SH2D3C: variants seen among roughly 807,000 people sequenced by gnomAD.
SH2D3C encodes SH2 domain containing 3C, also known as SH2 domain-containing protein 3C.
Under a neutral mutation model 75.2 loss-of-function variants are expected in SH2D3C, and 25 were observed. The observed-to-expected ratio is 0.33, with a 90% CI of 0.24 to 0.46. The LOEUF (loss-of-function observed/expected upper bound fraction) is 0.46, where lower values mean the gene tolerates loss of function less well. Ranked by LOEUF, SH2D3C falls within the 20% of genes least tolerant of loss-of-function variation. The pLI, the probability that SH2D3C is intolerant of heterozygous loss-of-function variation, is 1.00. For synonymous variants in SH2D3C, 450 were observed against 473.7 expected, an observed-to-expected ratio of 0.95 and a Z score of 0.65; for missense variants, 933 against 1,165.3, an observed-to-expected ratio of 0.80 and a Z score of 2.90.
chr9:127,778,478 A>C lies in SH2D3C; in HGVS notation c.37+113T>G. ...CAAAAGCAAAAAACAAAAAAAGAAA[A>C]AGAGTGAGAGAGAGAAAAACAGAAA... On this transcript the variant is annotated intron_variant, in intron 1 of 11. Transcript: ENST00000314830. 3.2e-6 allele frequency: 3 copies of C among 923,984 alleles called. No homozygotes were observed. In the South Asian group the frequency reaches 4.0e-5, roughly 12 times the overall value. 57.2% of individuals were successfully genotyped at this position (923,984 alleles called of 1,614,324 possible).
chr9:127,760,033 G>T lies in SH2D3C; in HGVS notation c.555+1578C>A, dbSNP rs1394586257. Among the ~76,000 whole-genome samples the T allele has an allele frequency of 2.6e-5, 4 of 151,240 alleles. No individual in the cohort carries two copies. The East Asian group carries it at 5.8e-4, about 22-fold the overall frequency. On this transcript the variant is annotated intron_variant, in intron 3 of 11. Transcript: ENST00000314830. ...TTTAAATTAGCAGTGGCACACACAT[G>T]TAGTCCCAGGGACTTAGGAGGCTAA...
intron 5 of SH2D3C, among the ~76,000 whole-genome samples, chr9:127,748,708 C>A (rs964885120): frequency 2.0e-5 from 3 of 152,218 alleles, no homozygotes; most frequent in African/African-American, 7.2e-5. Flanking sequence ...CATCTGGGGC[C>A]TGATTTTAGC....
Position 127,774,442 on chromosome 9 carries a change from C to T in SH2D3C, c.63G>A (p.Gly21=). Residue 21 remains glycine (G), a synonymous_variant, in exon 2 of 12, where the codon GGG becomes GGA. Coordinates refer to ENST00000314830, the MANE Select transcript of SH2D3C (RefSeq NM_170600.3). The surrounding 1 kb of genome is among the most constrained non-coding windows in gnomAD (Gnocchi z 4.3). ...KFKFFKFKGF[G]SLSNLPRSFT... is the part of the protein sequence containing the mutation. ...AGGACCGAGGGAGGTTGGAGAGACT[C>T]CCAAAGCCCTTGAACTTGAAGAACT... is the stretch of plus-strand genomic sequence containing the variant. The T allele has an allele frequency of 1.3e-6, 2 of 1,593,650 alleles. No homozygotes were observed. Among genetic ancestry groups the T allele is most frequent in the Non-Finnish European group, 1.7e-6 (2 of 1,161,700 alleles).
At chr9:127,763,579 G>A (rs1845577726) in intron 2 of SH2D3C, among the ~76,000 whole-genome samples, 1 of 152,166 alleles carries the variant, frequency 6.6e-6, no homozygotes, top group African/African-American at 2.4e-5. Flanking sequence ...AATTTTAATT[G>A]TTGATCGCTG....
Position 127,742,917 on chromosome 9 carries a change from T to G in SH2D3C, c.1848A>C (p.Gly616=). ...TGAGCAGTTCCATGCCCCAGCGGAC[T>G]CCCATTAGGGTCTGCATCTCCTTGG... ...GVTKEMQTLM[G]VRWGMELLTL... Residue 616 remains glycine (G), a synonymous_variant, in exon 8 of 12, where the codon GGA becomes GGC. Coordinates refer to ENST00000314830, the MANE Select transcript of SH2D3C (RefSeq NM_170600.3). The G allele has an allele frequency of 6.2e-7, 1 of 1,614,016 alleles. No homozygotes were observed. Among genetic ancestry groups the G allele is most frequent in the Non-Finnish European group, 8.5e-7 (1 of 1,179,938 alleles).
chr9:127,749,104 G>T lies in SH2D3C; in HGVS notation c.1139+107C>A. On this transcript the variant is annotated intron_variant, in intron 5 of 11. Coordinates refer to ENST00000314830, the MANE Select transcript of SH2D3C (RefSeq NM_170600.3). The surrounding 1 kb of genome is among the most constrained non-coding windows in gnomAD (Gnocchi z 5.9). ...CTCCCATTCCTCCCTGCACACAGAG[G>T]CTCCAGGAGAGTAATTTCATCCCAT... 1 of 848,050 alleles carries T rather than the reference G, an allele frequency of 1.2e-6. No individual in the cohort carries two copies. Among genetic ancestry groups the T allele is most frequent in the Non-Finnish European group, 1.8e-6 (1 of 542,528 alleles). The allele number at this position is 848,050 out of a possible 1,614,324, so 52.5% of individuals were successfully genotyped here.
Position 127,754,986 on chromosome 9 carries a change from A to T in SH2D3C, c.556-3686T>A. On this transcript the variant is annotated intron_variant, in intron 3 of 11. Coordinates refer to ENST00000314830, the MANE Select transcript of SH2D3C (RefSeq NM_170600.3). This position sits in a 1 kb window ranked among gnomAD's most constrained non-coding sequence, Gnocchi z 4.4. ...AGCCCGACCCTGCCGGGCGCCGCTGAGCTGCAGCTCCCCGGCTGGCTCTAG... is the reference window on the plus strand; with the variant it reads ...AGCCCGACCCTGCCGGGCGCCGCTGTGCTGCAGCTCCCCGGCTGGCTCTAG... The T allele has an allele frequency of 1.8e-6, 1 of 550,700 alleles. No homozygotes were observed. The highest frequency in any genetic ancestry group is 2.6e-6 in the Non-Finnish European group (1 of 380,460). The allele number at this position is 550,700 out of a possible 1,614,324, so 34.1% of individuals were successfully genotyped here.
At chr9:127,771,502 C>T in intron 2 of SH2D3C, 1 of 650,384 alleles carries the variant, frequency 1.5e-6, no homozygotes, top group Non-Finnish European at 2.3e-6. Context: ...TCGGGAAGGC[C>T]TCGCCCCCTA....
At position 127,749,462 on chromosome 9, in the gene SH2D3C, G is replaced by A. The variant is rs750177101; in HGVS notation, c.888C>T (p.Leu296=). Residue 296 remains leucine, a synonymous_variant, in exon 5 of 12, where the codon CTC becomes CTT. Coordinates refer to ENST00000314830, the MANE Select transcript of SH2D3C (RefSeq NM_170600.3). The surrounding 1 kb of genome is among the most constrained non-coding windows in gnomAD (Gnocchi z 5.9). ...TGCGGCTGCCCACATGATAGCGCAC[G>A]AGGGCGGGCACGTGGTCAAAGCTCT... ...EQESFDHVPA[L]VRYHVGSRKA... The A allele has an allele frequency of 3.5e-5, 56 of 1,614,090 alleles. No homozygotes were observed. In the East Asian group the frequency reaches 4.2e-4, roughly 12 times the overall value.
intron 6 of SH2D3C, among the ~76,000 whole-genome samples, chr9:127,746,562 G>A (rs1372358158): frequency 6.6e-6 from 1 of 152,214 alleles, no homozygotes; most frequent in Non-Finnish European, 1.5e-5. Context: ...CAGCACTTTG[G>A]GAGGCTGAGG....
intron 1 of SH2D3C, among the ~76,000 whole-genome samples, chr9:127,777,831 C>T (rs975406554): frequency 1.3e-5 from 2 of 151,914 alleles, no homozygotes; most frequent in Non-Finnish European, 2.9e-5. Flanking sequence ...GAAGCAGAGA[C>T]GTCTGCAGAG....
rs758756052 is a variant in SH2D3C, at chr9:127,742,003, G to T, written c.1917-44C>A. ...CAGAGGCGGCGGGCTCGGGGACAGG[G>T]GTGAGGGGTGCGGGCCTGGGGCGCT... On this transcript the variant is annotated intron_variant, in intron 8 of 11. Transcript: ENST00000314830. 5 of 1,554,844 alleles carry T rather than the reference G, an allele frequency of 3.2e-6. No individual in the cohort carries two copies. In the East Asian group the frequency reaches 1.2e-4, roughly 36 times the overall value.
chr9:127,768,626 G>T (rs1470041290), intron 2 of SH2D3C, among the ~76,000 whole-genome samples: 1 of 152,200 alleles, frequency 6.6e-6, no homozygotes, highest in Non-Finnish European at 1.5e-5. Context: ...CTAAAAAGAG[G>T]TCTTTTAACA....
chr9:127,752,254 C>T lies in SH2D3C; in HGVS notation c.556-954G>A, dbSNP rs139392565. 3.0e-4 allele frequency among the ~76,000 whole-genome samples: 46 copies of T among 152,224 alleles called. No individual in the cohort carries two copies. The East Asian group carries it at 8.9e-3, about 29-fold the overall frequency. ...GGCTGTGCCTTGTGAGCTCTCTGGG[C>T]CTCAATTTCTTCCTCATTAAAATGG... On this transcript the variant is annotated intron_variant, in intron 3 of 11. Transcript: ENST00000314830.
Position 127,754,777 on chromosome 9 carries a change from C to G in SH2D3C, c.556-3477G>C, listed in dbSNP as rs1484317250. The G allele has an allele frequency of 3.6e-5, 17 of 476,064 alleles. No individual in the cohort carries two copies. The highest frequency in any genetic ancestry group is 6.5e-5 in the Non-Finnish European group (15 of 230,818). The allele number at this position is 476,064 out of a possible 1,614,324, so 29.5% of individuals were successfully genotyped here. On this transcript the variant is annotated intron_variant, in intron 3 of 11. Transcript: ENST00000314830. This position sits in a 1 kb window ranked among gnomAD's most constrained non-coding sequence, Gnocchi z 4.4. ...AGGACCGGCAGGACGCCGGAGACCC[C>G]ATCTCCCAGTCCCCCCTGCCCCAGC...
In SH2D3C at chr9:127,776,990, CAGACGTTTGGAGGAGAT is replaced by C. The variant is rs1246556160; in HGVS notation, c.37+1584_37+1600del. Among the ~76,000 whole-genome samples, 11 of 152,098 alleles carry C rather than the reference CAGACGTTTGGAGGAGAT, an allele frequency of 7.2e-5. No homozygotes were observed. In the East Asian group the frequency reaches 9.6e-4, roughly 13 times the overall value. On this transcript the variant is annotated intron_variant, in intron 1 of 11. Coordinates refer to ENST00000314830, the MANE Select transcript of SH2D3C (RefSeq NM_170600.3). ...ACCACTGGTTTTGCCTCCTGGGCAC[CAGACGTTTGGAGGAGAT>C]AGTGGGGGCTGGGAGGGAAACTGAG...
At chr9:127,745,380 G>A (rs1844997804) in intron 6 of SH2D3C, among the ~76,000 whole-genome samples, 3 of 152,136 alleles carry the variant, frequency 2.0e-5, no homozygotes, top group South Asian at 2.1e-4. Flanking sequence ...TCAGTGATCC[G>A]GGGAAGCTGA....
chr9:127,741,271 C>A (rs1445337568), intron 9 of SH2D3C, among the ~76,000 whole-genome samples: 2 of 146,590 alleles, frequency 1.4e-5, no homozygotes, highest in Non-Finnish European at 3.0e-5. Flanking sequence ...GACGGAGTCT[C>A]ACTCTGTTGC....
Position 127,769,458 on chromosome 9 carries a change from C to A in SH2D3C, c.515+4532G>T, listed in dbSNP as rs145093310. 6.8e-3 allele frequency among the ~76,000 whole-genome samples: 1,027 copies of A among 151,998 alleles called. 8 individuals carry two copies. The highest frequency in any genetic ancestry group is 0.027 in the Middle Eastern group (8 of 294). On this transcript the variant is annotated intron_variant, in intron 2 of 11. Coordinates refer to ENST00000314830, the MANE Select transcript of SH2D3C (RefSeq NM_170600.3). Reference sequence around the variant, plus strand: ...AGGAGTTCGAGATCAGCCTGACCAACATGGAGAAACTACGGCTCTACTAAA... The same window carrying A: ...AGGAGTTCGAGATCAGCCTGACCAAAATGGAGAAACTACGGCTCTACTAAA...
Sources: gnomAD v4.1 joint callset for allele counts (sites outside exome capture counted in the v4.1 genomes callset) on GRCh38, gnomAD v4.1.1 for gene constraint, Gnocchi (gnomAD v3.1) non-coding constraint, MANE v1.5 for transcripts, NCBI Gene and HGNC (gene_info 2026-07-23, HGNC 2026-07-21) for gene names.